CCSER1: variants seen among roughly 807,000 people sequenced by gnomAD.
The protein encoded by CCSER1 is coiled-coil serine rich protein 1.
Under a neutral mutation model 82.0 loss-of-function variants are expected in CCSER1, and 41 were observed. That is an observed-to-expected ratio of 0.50 (90% CI 0.39 to 0.65). The LOEUF is 0.65. Ranked by LOEUF, CCSER1 falls within the 30% of genes least tolerant of loss-of-function variation. The pLI is 0.00. For missense variants in CCSER1, 1,119 were observed against 1,064.2 expected (o/e 1.05, Z -0.72); for synonymous variants, 414 against 383.9 (o/e 1.08, Z -0.92).
intron 5 of CCSER1, among the ~76,000 whole-genome samples, chr4:90,470,894 G>C (rs1439226205): frequency 6.6e-6 from 1 of 151,666 alleles, no homozygotes; most frequent in African/African-American, 2.4e-5. Context: ...CGATTGACTA[G>C]ATAATTTGTT....
intron 10 of CCSER1, among the ~76,000 whole-genome samples, chr4:91,227,292 A>G (rs1472047790): frequency 6.6e-6 from 1 of 151,928 alleles, no homozygotes; most frequent in Non-Finnish European, 1.5e-5. Flanking sequence ...ATTTAGTTAA[A>G]AAAAAAGGAA....
intron 5 of CCSER1, among the ~76,000 whole-genome samples, chr4:90,513,258 T>A (rs1937017046): frequency 6.6e-6 from 1 of 152,142 alleles, no homozygotes; most frequent in African/African-American, 2.4e-5. Flanking sequence ...AAATTGAGGA[T>A]GTATGAATAA....
intron 6 of CCSER1, among the ~76,000 whole-genome samples, chr4:90,655,170 G>T (rs761652054): frequency 1.9e-4 from 29 of 151,854 alleles, no homozygotes; most frequent in Non-Finnish European, 4.0e-4. Flanking sequence ...TGTTTCTCAT[G>T]TCAAATCTAG....
At chr4:91,363,520 A>G in intron 10 of CCSER1, among the ~76,000 whole-genome samples, 1 of 151,714 alleles carries the variant, frequency 6.6e-6, no homozygotes, top group Non-Finnish European at 1.5e-5. Context: ...CACAAGGAGA[A>G]GGCAGCTGTT....
At chr4:90,156,775 A>G (rs868743558) in intron 1 of CCSER1, among the ~76,000 whole-genome samples, 15 of 147,328 alleles carry the variant, frequency 1.0e-4, no homozygotes, top group South Asian at 2.3e-4. Context: ...GTCTCTGCAC[A>G]TGAGATGGGT....
chr4:90,412,455 T>TA (rs1162005621), intron 4 of CCSER1, among the ~76,000 whole-genome samples: 2 of 146,974 alleles, frequency 1.4e-5, no homozygotes, highest in Admixed American at 6.8e-5. Flanking sequence ...CCCTAAAACT[T>TA]AAAGTATAAT....
At chr4:90,602,111 G>A (rs534862826) in intron 5 of CCSER1, among the ~76,000 whole-genome samples, 2 of 152,214 alleles carry the variant, frequency 1.3e-5, no homozygotes, top group East Asian at 3.9e-4. Context: ...TGTTCAACCA[G>A]CATTGTGAGG....
intron 10 of CCSER1, among the ~76,000 whole-genome samples, chr4:91,168,941 G>T (rs954376188): frequency 2.0e-5 from 3 of 151,962 alleles, no homozygotes; most frequent in Non-Finnish European, 2.9e-5. Flanking sequence ...GTCAACTCAG[G>T]GTTAAATGGA....
intron 5 of CCSER1, among the ~76,000 whole-genome samples, chr4:90,469,473 C>A (rs1764062109): frequency 6.7e-6 from 1 of 149,646 alleles, no homozygotes; most frequent in African/African-American, 2.5e-5. Context: ...ATAATTGCAT[C>A]ATGTTTGCCA....
rs180918347 is a variant in CCSER1 at position 90,144,464 on chromosome 4, C to T, written c.-42+16633C>T. Among the ~76,000 whole-genome samples, 61 of 152,272 alleles carry T rather than the reference C, an allele frequency of 4.0e-4. 1 individual carries two copies. The highest frequency in any genetic ancestry group is 1.2e-3 in the Admixed American group (18 of 15,280). On this transcript the variant is annotated intron_variant, in intron 1 of 10. Transcript: ENST00000509176. ...TGCATTATGAATAACTGTTTCACTG[C>T]GACTGCCTTGGATATAAATTATTGA...
At chr4:90,166,974 T>C (rs1578283661) in intron 1 of CCSER1, among the ~76,000 whole-genome samples, 1 of 152,054 alleles carries the variant, frequency 6.6e-6, no homozygotes, top group African/African-American at 2.4e-5. Flanking sequence ...TTGTTGGAAG[T>C]ATCAATTTAG....
chr4:91,352,612 G>A (rs1038978962), intron 10 of CCSER1, among the ~76,000 whole-genome samples: 2 of 152,174 alleles, frequency 1.3e-5, no homozygotes, highest in South Asian at 2.1e-4. Flanking sequence ...TCATATAAAG[G>A]TTAGAAATAA....
At chr4:90,735,902 T>C (rs151290700) in intron 7 of CCSER1, among the ~76,000 whole-genome samples, 87 of 152,256 alleles carry the variant, frequency 5.7e-4, no homozygotes, top group African/African-American at 1.9e-3. Context: ...GGGTATGTTG[T>C]GTTTTCATGT....
chr4:91,112,852 A>G (rs957777820), intron 10 of CCSER1: 1 of 152,190 alleles, frequency 6.6e-6, no homozygotes, highest in African/African-American at 2.4e-5. Context: ...CTACCTTCCC[A>G]TCACACAAAG....
intron 10 of CCSER1, among the ~76,000 whole-genome samples, chr4:91,139,423 AAAAG>A (rs1274419007): frequency 2.6e-5 from 4 of 152,068 alleles, no homozygotes; most frequent in Admixed American, 6.6e-5. Flanking sequence ...CTCAATTTAT[AAAAG>A]AATCATATTA....
intron 5 of CCSER1, among the ~76,000 whole-genome samples, chr4:90,523,517 G>A (rs141246742): frequency 1.6e-4 from 24 of 152,172 alleles, no homozygotes; most frequent in African/African-American, 4.1e-4. Context: ...TACTACATAA[G>A]CACAAATGTA....
At chr4:91,520,577 C>T (rs1432974426) in intron 10 of CCSER1, among the ~76,000 whole-genome samples, 1 of 152,064 alleles carries the variant, frequency 6.6e-6, no homozygotes, top group Non-Finnish European at 1.5e-5. Flanking sequence ...ACATTTTTTA[C>T]TGTGTTTTCT....
At chr4:91,223,515 A>C (rs1737914974) in intron 10 of CCSER1, among the ~76,000 whole-genome samples, 1 of 152,150 alleles carries the variant, frequency 6.6e-6, no homozygotes, top group Non-Finnish European at 1.5e-5. Flanking sequence ...AATAATTCCA[A>C]AGGGGGAAAA....
At chr4:90,228,706 G>T (rs1560834718) in intron 1 of CCSER1, among the ~76,000 whole-genome samples, 1 of 152,180 alleles carries the variant, frequency 6.6e-6, no homozygotes, top group Non-Finnish European at 1.5e-5. Context: ...CAAAGGCAAA[G>T]AAGTTGAAAA....
Sources: allele counts gnomAD v4.1 joint callset (sites outside exome capture counted in the v4.1 genomes callset), GRCh38; gene constraint gnomAD v4.1.1; transcripts MANE v1.5; gene names NCBI Gene and HGNC (gene_info 2026-07-23, HGNC 2026-07-21).